RABGAP1: variants seen among roughly 807,000 people sequenced by gnomAD.
RABGAP1 encodes rab GTPase-activating protein 1.
RABGAP1 carries 23 observed loss-of-function variants against 137.6 expected under a neutral mutation model. The ratio of observed to expected loss-of-function variants is 0.17; its 90% CI spans 0.12 to 0.24. The LOEUF (loss-of-function observed/expected upper bound fraction) is 0.24, where lower values mean the gene tolerates loss of function less well. Ranked by LOEUF, RABGAP1 falls within the 10% of genes least tolerant of loss-of-function variation. The pLI is 1.00. For synonymous variants in RABGAP1, 451 were observed against 450.7 expected, an observed-to-expected ratio of 1.00 and a Z score of -0.01; for missense variants, 906 against 1,275.8, an observed-to-expected ratio of 0.71 and a Z score of 4.42.
At chr9:122,967,218 A>G (rs574726530) in intron 2 of RABGAP1, among the ~76,000 whole-genome samples, 1 of 152,188 alleles carries the variant, frequency 6.6e-6, no homozygotes, top group African/African-American at 2.4e-5. Flanking sequence ...CTCAAGAATA[A>G]TGGGTTTTTT....
intron 1 of RABGAP1, among the ~76,000 whole-genome samples, chr9:122,956,037 T>C (rs1564357217): frequency 6.6e-6 from 1 of 152,174 alleles, no homozygotes; most frequent in Non-Finnish European, 1.5e-5. Flanking sequence ...ATTCCAAGAC[T>C]CAATAAATAA....
At chr9:123,000,179 A>G (rs577747334) in intron 10 of RABGAP1, among the ~76,000 whole-genome samples, 2 of 152,276 alleles carry the variant, frequency 1.3e-5, no homozygotes, top group Non-Finnish European at 2.9e-5. Context: ...TTGGATTACA[A>G]GTTAAACATC....
At chr9:123,087,210 T>G (rs1159080872) in intron 19 of RABGAP1, among the ~76,000 whole-genome samples, 1 of 152,212 alleles carries the variant, frequency 6.6e-6, no homozygotes, top group African/African-American at 2.4e-5. Context: ...ATAGAAGACA[T>G]TGTTTTGTAA....
chr9:123,074,747 T>C (rs929317268), intron 17 of RABGAP1, among the ~76,000 whole-genome samples: 1 of 152,204 alleles, frequency 6.6e-6, no homozygotes, highest in African/African-American at 2.4e-5. Context: ...AAAAAGTCAA[T>C]GTTGGCAGTA....
At chr9:123,009,930 G>C (rs1446373018) in intron 10 of RABGAP1, among the ~76,000 whole-genome samples, 1 of 152,162 alleles carries the variant, frequency 6.6e-6, no homozygotes, top group Non-Finnish European at 1.5e-5. Context: ...TTATGTTTTA[G>C]AGTAATTTAA....
intron 21 of RABGAP1, among the ~76,000 whole-genome samples, chr9:123,092,094 A>G (rs146826813): frequency 2.4e-4 from 36 of 152,346 alleles, no homozygotes; most frequent in African/African-American, 7.7e-4. Context: ...GTGTCCTACA[A>G]TGAAATTAAG....
At chr9:123,034,400 A>G (rs1307701328) in intron 13 of RABGAP1, 1 of 608,198 alleles carries the variant, frequency 1.6e-6, no homozygotes, top group Admixed American at 3.0e-5. Context: ...GGGGAATTGC[A>G]CTGCAGGCAA....
At chr9:123,074,874 A>G (rs1186513971) in intron 17 of RABGAP1, among the ~76,000 whole-genome samples, 2 of 152,158 alleles carry the variant, frequency 1.3e-5, no homozygotes, top group African/African-American at 4.8e-5. Context: ...TCTGTTTTCA[A>G]AAGAGACTTC....
chr9:123,045,951 G>A (rs758673489), intron 13 of RABGAP1, among the ~76,000 whole-genome samples: 25 of 152,174 alleles, frequency 1.6e-4, no homozygotes, highest in Non-Finnish European at 3.4e-4. Context: ...CCACACAGAG[G>A]TCAGATTCTT....
chr9:123,026,023 T>G (rs1471705669), intron 13 of RABGAP1, among the ~76,000 whole-genome samples: 2 of 109,340 alleles, frequency 1.8e-5, no homozygotes, highest in South Asian at 3.1e-4. Context: ...TTTTTTTTTT[T>G]GGTAAACAGT....
At chr9:122,953,175 G>C (rs1223186978) in intron 1 of RABGAP1, among the ~76,000 whole-genome samples, 2 of 152,072 alleles carry the variant, frequency 1.3e-5, no homozygotes, top group African/African-American at 4.8e-5. Flanking sequence ...ATTTTAATTT[G>C]GATTACTTAA....
intron 2 of RABGAP1, among the ~76,000 whole-genome samples, chr9:122,961,913 A>G (rs1271887702): frequency 5.9e-5 from 9 of 152,180 alleles, no homozygotes; most frequent in Non-Finnish European, 1.2e-4. Context: ...TAGTAACTCA[A>G]ATTCATAAGA....
upstream of RABGAP1, chr9:122,938,990 G>T (rs1833438596): frequency 6.6e-6 from 1 of 152,170 alleles, no homozygotes; most frequent in Non-Finnish European, 1.5e-5. Context: ...GATGTAACCA[G>T]ATGGAATGTA....
chr9:122,969,468 T>C (rs1000413177), intron 2 of RABGAP1, among the ~76,000 whole-genome samples: 1 of 152,232 alleles, frequency 6.6e-6, no homozygotes, highest in South Asian at 2.1e-4. Context: ...TTGTATATTA[T>C]GTAAGGTTAT....
Position 123,099,468 on chromosome 9 carries a change from G to A in RABGAP1, c.2818-10G>A, listed in dbSNP as rs1201692895. 3 of 1,601,790 alleles carry A rather than the reference G, an allele frequency of 1.9e-6. No homozygotes were observed. The African/African-American group carries it at 4.0e-5, about 21-fold the overall frequency. Reference sequence around the variant, plus strand: ...CTCAAGAGATTGTTGTTTTATATTTGTTTCTTTAGATTTGTTCTCAGTTGA... The same window carrying A: ...CTCAAGAGATTGTTGTTTTATATTTATTTCTTTAGATTTGTTCTCAGTTGA... On this transcript the variant is annotated splice_polypyrimidine_tract_variant and intron_variant, in intron 23 of 25. Transcript: ENST00000373647.
intron 13 of RABGAP1, among the ~76,000 whole-genome samples, chr9:123,025,633 C>G (rs927404826): frequency 7.3e-5 from 10 of 136,340 alleles, no homozygotes; most frequent in Non-Finnish European, 1.4e-4. Context: ...TAAGAATTAA[C>G]TTAGCATGTT....
At chr9:122,967,639 C>A (rs1430697862) in intron 2 of RABGAP1, among the ~76,000 whole-genome samples, 2 of 152,164 alleles carry the variant, frequency 1.3e-5, no homozygotes, top group Non-Finnish European at 2.9e-5. Context: ...CTTACTCTTC[C>A]TGTTTCTACT....
At chr9:123,010,196 T>TA (rs201403854) in intron 10 of RABGAP1, among the ~76,000 whole-genome samples, 158 bp from the exon 11 acceptor site, 2,405 of 152,248 alleles carry the variant, frequency 0.016, 35 homozygotes, top group South Asian at 0.066. Flanking sequence ...CTAATGTAGA[T>TA]ACTCAAAAAA....
Position 123,020,465 on chromosome 9 carries a change from G to T in RABGAP1, c.1794+6G>T. On this transcript the variant is annotated splice_donor_region_variant and intron_variant, in intron 13 of 25. Transcript: ENST00000373647. ...ACCGCATTCTTATCACAAAGGTAAG[G>T]GGGTGATAATTCAGCTTCAGCATTA... The T allele has an allele frequency of 1.3e-6, 2 of 1,551,940 alleles. No individual in the cohort carries two copies. Among genetic ancestry groups the T allele is most frequent in the Non-Finnish European group, 8.7e-7 (1 of 1,144,808 alleles).
Sources: allele counts gnomAD v4.1 joint callset (sites outside exome capture counted in the v4.1 genomes callset), GRCh38; gene constraint gnomAD v4.1.1; transcripts MANE v1.5; gene names NCBI Gene and HGNC (gene_info 2026-07-23, HGNC 2026-07-21).